RAB37: variants seen among roughly 807,000 people sequenced by gnomAD.
RAB37 encodes RAB37, member RAS oncogene family, also known as ras-related protein Rab-37.
In RAB37, 29 loss-of-function variants were observed where a neutral mutation model predicts 33.1. The observed-to-expected ratio is 0.88, with a 90% CI of 0.65 to 1.20. The LOEUF is 1.20. Among genes scored for constraint, RAB37 ranks in the 50% most tolerant of loss-of-function variants. RAB37 has a pLI of 0.00. For synonymous variants in RAB37, 128 were observed against 119.5 expected, an observed-to-expected ratio of 1.07 and a Z score of -0.47; for missense variants, 299 against 301.1, an observed-to-expected ratio of 0.99 and a Z score of 0.05.
chr17:74,688,981 G>A (rs2032107240), intron 1 of RAB37, among the ~76,000 whole-genome samples: 1 of 152,178 alleles, frequency 6.6e-6, no homozygotes, highest in African/African-American at 2.4e-5. Context: ...TACACATTTA[G>A]ATATTTTAAG....
intron 2 of RAB37, among the ~76,000 whole-genome samples, chr17:74,741,427 A>T (rs1483710128): frequency 6.6e-6 from 1 of 152,112 alleles, no homozygotes; most frequent in Admixed American, 6.6e-5. Flanking sequence ...CTCTACTAAA[A>T]ATACAAAAAT....
intron 1 of RAB37, chr17:74,695,585 C>G: frequency 2.4e-6 from 3 of 1,252,004 alleles, no homozygotes; most frequent in Non-Finnish European, 3.3e-6. Flanking sequence ...TAGGCGAGTC[C>G]TGCAGTGACT....
At chr17:74,675,082 G>T (rs1158149714) in intron 1 of RAB37, among the ~76,000 whole-genome samples, 1 of 152,104 alleles carries the variant, frequency 6.6e-6, no homozygotes, top group African/African-American at 2.4e-5. Context: ...TATTATTTTT[G>T]AGCAAGGATG....
chr17:74,708,789 G>A (rs906008474), intron 1 of RAB37, among the ~76,000 whole-genome samples: 27 of 151,806 alleles, frequency 1.8e-4, no homozygotes, highest in Admixed American at 3.9e-4. Flanking sequence ...GGTGGCGGGC[G>A]CCTGTAGTCC....
At position 74,730,123 on chromosome 17, in the gene RAB37, G is replaced by A. The variant is rs1029035038; in HGVS notation, c.183+757G>A. Reference sequence around the variant, plus strand: ...CGTGCCTGCGGCTGCAGCTGCCCTTGAATTCCTGGGAAGACCTTGGGAGAG... The same window carrying A: ...CGTGCCTGCGGCTGCAGCTGCCCTTAAATTCCTGGGAAGACCTTGGGAGAG... On this transcript the variant is annotated intron_variant, in intron 2 of 7. Transcript: ENST00000340415. The surrounding 1 kb of genome is among the most constrained non-coding windows in gnomAD (Gnocchi z 4.4). Among the ~76,000 whole-genome samples the A allele has an allele frequency of 2.0e-5, 3 of 152,144 alleles. No individual in the cohort carries two copies. The highest frequency in any genetic ancestry group is 4.8e-5 in the African/African-American group (2 of 41,436).
At chr17:74,690,346 A>G (rs2032136458) in intron 1 of RAB37, among the ~76,000 whole-genome samples, 1 of 152,204 alleles carries the variant, frequency 6.6e-6, no homozygotes, top group East Asian at 1.9e-4. Flanking sequence ...GCACTCAATC[A>G]GGATTGAGTG....
intron 2 of RAB37, 87 bp downstream of exon 2, chr17:74,740,965 GGCTCCCA>G (rs1360455533): frequency 6.1e-6 from 6 of 975,980 alleles, no homozygotes; most frequent in African/African-American, 4.8e-5. Flanking sequence ...TGCTCACCCT[GGCTCCCA>G]GGGACTCCCG....
intron 1 of RAB37, among the ~76,000 whole-genome samples, chr17:74,697,045 G>A (rs185459668): frequency 3.9e-5 from 6 of 152,248 alleles, no homozygotes; most frequent in Admixed American, 6.5e-5. Context: ...GGGTTCAAGC[G>A]ATTCTCCTGC....
At chr17:74,705,686 C>A (rs747609934) in intron 1 of RAB37, among the ~76,000 whole-genome samples, 32 of 152,230 alleles carry the variant, frequency 2.1e-4, no homozygotes, top group Non-Finnish European at 4.0e-4. Flanking sequence ...CCTTCACCTC[C>A]CAGGCTTAAT....
intron 1 of RAB37, among the ~76,000 whole-genome samples, chr17:74,723,384 A>G (rs2034266353): frequency 9.9e-6 from 1 of 101,160 alleles, no homozygotes; most frequent in Admixed American, 1.3e-4. Context: ...TATTCTTTGT[A>G]TATTTTTTCA....
At chr17:74,692,504 A>G (rs567568339) in intron 1 of RAB37, among the ~76,000 whole-genome samples, 2 of 152,246 alleles carry the variant, frequency 1.3e-5, no homozygotes, top group African/African-American at 4.8e-5. Flanking sequence ...CCCAGGACAC[A>G]TTGATATGGA....
intron 1 of RAB37, among the ~76,000 whole-genome samples, chr17:74,684,338 C>T (rs2032011570): frequency 6.6e-6 from 1 of 151,698 alleles, no homozygotes; most frequent in Non-Finnish European, 1.5e-5. Flanking sequence ...AGTGATCCAC[C>T]TGCCTCAGTC....
At chr17:74,723,087 C>G (rs898513121) in intron 1 of RAB37, among the ~76,000 whole-genome samples, 1 of 152,222 alleles carries the variant, frequency 6.6e-6, no homozygotes, top group Non-Finnish European at 1.5e-5. Flanking sequence ...TTAGAAAAAG[C>G]TTTGCGTCTT....
At chr17:74,689,094 T>A (rs2032111603) in intron 1 of RAB37, among the ~76,000 whole-genome samples, 1 of 152,130 alleles carries the variant, frequency 6.6e-6, no homozygotes, top group East Asian at 1.9e-4. Flanking sequence ...TTGAAGTCAG[T>A]TCAAGACCAG....
intron 1 of RAB37, among the ~76,000 whole-genome samples, chr17:74,683,405 A>T (rs1483471232): frequency 1.3e-5 from 2 of 152,126 alleles, no homozygotes; most frequent in African/African-American, 4.8e-5. Flanking sequence ...TGCTATGGAG[A>T]CGCCTGAATT....
At chr17:74,709,308 G>A (rs188182020) in intron 1 of RAB37, among the ~76,000 whole-genome samples, 24 of 152,218 alleles carry the variant, frequency 1.6e-4, no homozygotes, top group Admixed American at 4.6e-4. Flanking sequence ...CATCTTAGGT[G>A]CAGAGAGAAG....
chr17:74,677,453 A>G (rs759635373), intron 1 of RAB37: 3 of 152,200 alleles, frequency 2.0e-5, no homozygotes, highest in Non-Finnish European at 4.4e-5. Flanking sequence ...TTTGTCCTCA[A>G]AAGAATCCAA....
intron 1 of RAB37, among the ~76,000 whole-genome samples, chr17:74,722,754 A>G (rs1356546941): frequency 6.6e-6 from 1 of 152,212 alleles, no homozygotes; most frequent in Non-Finnish European, 1.5e-5. Flanking sequence ...TCTCGAAAAT[A>G]TCTTCCCTGT....
Position 74,676,873 on chromosome 17 carries a change from C to T in RAB37, c.72+5215C>T, listed in dbSNP as rs942782944. On this transcript the variant is annotated intron_variant, in intron 1 of 7. Transcript: ENST00000340415. The surrounding 1 kb of genome is among the most constrained non-coding windows in gnomAD (Gnocchi z 4.1). ...CTTCTGATTAAAGTTAACCTCCAGG[C>T]TTGGCACGGTGGCTCACACCTGTAA... 5.3e-5 allele frequency among the ~76,000 whole-genome samples: 8 copies of T among 152,308 alleles called. 1 individual carries two copies. The South Asian group carries it at 1.5e-3, about 28-fold the overall frequency.
Sources: allele counts gnomAD v4.1 joint callset (sites outside exome capture counted in the v4.1 genomes callset), GRCh38; gene constraint gnomAD v4.1.1; non-coding constraint Gnocchi (gnomAD v3.1); transcripts MANE v1.5; gene names NCBI Gene and HGNC (gene_info 2026-07-23, HGNC 2026-07-21).